The following RNF212B variants were observed in gnomAD, a reference collection of about 807,000 sequenced individuals.
RNF212B encodes ring finger protein 212B, also known as E3 ubiquitin-protein ligase RNF212B.
Under a neutral mutation model 55.5 loss-of-function variants are expected in RNF212B, and 52 were observed. The ratio of observed to expected loss-of-function variants is 0.94; its 90% confidence interval spans 0.75 to 1.18. The LOEUF is 1.18. RNF212B is among the 50% of genes most tolerant of loss of function. The pLI, the probability that RNF212B is intolerant of heterozygous loss-of-function variation, is 0.00. For synonymous variants in RNF212B, 99 were observed against 121.4 expected (o/e 0.82, Z 1.21); for missense variants, 289 against 350.4 (o/e 0.82, Z 1.40).
At chr14:23,210,801 G>GTAGGATGA (rs1880432984) in intron 2 of RNF212B, among the ~76,000 whole-genome samples, 1 of 72,734 alleles carries the variant, frequency 1.4e-5, no homozygotes, top group African/African-American at 5.3e-5. Flanking sequence ...AAAAAGAAAT[G>GTAGGATGA]TAGGATGATA....
intron 4 of RNF212B, among the ~76,000 whole-genome samples, chr14:23,250,958 A>T (rs1274927176): frequency 6.6e-6 from 1 of 152,200 alleles, no homozygotes; most frequent in Non-Finnish European, 1.5e-5. Flanking sequence ...AGTGAGCAGA[A>T]GGGTGACTTT....
upstream of RNF212B, among the ~76,000 whole-genome samples, chr14:23,234,425 A>G (rs1400395873): frequency 1.3e-5 from 2 of 151,962 alleles, no homozygotes. Flanking sequence ...TTATAAGAGT[A>G]TTTACTATTA....
At chr14:23,259,601 A>G (rs1885150869) in intron 5 of RNF212B, 1 of 216,188 alleles carries the variant, frequency 4.6e-6, no homozygotes, top group East Asian at 9.6e-5. Flanking sequence ...TTTAGACATC[A>G]GCAGGCCAGG....
intron 2 of RNF212B, among the ~76,000 whole-genome samples, chr14:23,240,894 A>G (rs902261365): frequency 6.6e-6 from 1 of 152,194 alleles, no homozygotes; most frequent in African/African-American, 2.4e-5. Context: ...ATATCAACCA[A>G]TTTTATGTAA....
At chr14:23,203,977 A>G (rs1879586118) in intron 2 of RNF212B, among the ~76,000 whole-genome samples, 1 of 152,204 alleles carries the variant, frequency 6.6e-6, no homozygotes, top group African/African-American at 2.4e-5. Flanking sequence ...TTCCCTGATC[A>G]CTAGTGATGC....
At chr14:23,233,601 G>T (rs1201330942), upstream of RNF212B, among the ~76,000 whole-genome samples, 1 of 148,364 alleles carries the variant, frequency 6.7e-6, no homozygotes, top group East Asian at 2.0e-4. Flanking sequence ...AATTAGCCGG[G>T]TATGGTGGTG....
intron 1 of RNF212B, 37 bp from the exon 2 acceptor site, chr14:23,240,308 C>T (rs749679746): frequency 7.5e-7 from 1 of 1,341,402 alleles, no homozygotes; most frequent in Non-Finnish European, 1.0e-6. Context: ...ATGTTATTCT[C>T]TAGGTTATTC....
Position 23,221,720 on chromosome 14 carries a change from G to A in RNF212B, c.-1-18625G>A, listed in dbSNP as rs527684392. On this transcript the variant is annotated intron_variant, in intron 2 of 15. Transcript: ENST00000399910. ...TTTTAGCGCATGGGTAATTCTTAAG[G>A]ATAGACGATATGTTAGGTCACCAAA... 3.1e-4 allele frequency among the ~76,000 whole-genome samples: 47 copies of A among 152,248 alleles called. No homozygotes were observed. The East Asian group carries it at 9.1e-3, about 29-fold the overall frequency.
chr14:23,238,774 A>ATCATCATC (rs1555316061), intron 1 of RNF212B, among the ~76,000 whole-genome samples: 3,318 of 119,630 alleles, frequency 0.028, 71 homozygotes, highest in East Asian at 0.099. Context: ...TAATAATAAT[A>ATCATCATC]ATAATAATCC....
intron 2 of RNF212B, among the ~76,000 whole-genome samples, chr14:23,220,422 C>T (rs1881461472): frequency 6.6e-6 from 1 of 152,010 alleles, no homozygotes; most frequent in African/African-American, 2.4e-5. Context: ...GTTCCAGCTA[C>T]TTGGGAGGCT....
intron 2 of RNF212B, among the ~76,000 whole-genome samples, chr14:23,218,982 A>G (rs1881329327): frequency 2.6e-5 from 4 of 152,234 alleles, no homozygotes; most frequent in Admixed American, 2.6e-4. Flanking sequence ...TAGAGCACCA[A>G]TATGTCTGGC....
intron 2 of RNF212B, among the ~76,000 whole-genome samples, chr14:23,219,216 A>G (rs178746): frequency 0.53 from 80,069 of 152,096 alleles, 21,711 homozygotes; most frequent in African/African-American, 0.66. Flanking sequence ...TGAAAGAAAA[A>G]GATGCTAATG....
intron 4 of RNF212B, among the ~76,000 whole-genome samples, chr14:23,256,877 G>A (rs112901482): frequency 0.17 from 25,686 of 151,962 alleles, 2,512 homozygotes; most frequent in South Asian, 0.25. Flanking sequence ...TTTTTTGGCC[G>A]GGCATGGTGG....
chr14:23,213,705 AC>A (rs1361483765), intron 2 of RNF212B, among the ~76,000 whole-genome samples: 1 of 143,084 alleles, frequency 7.0e-6, no homozygotes, highest in Non-Finnish European at 1.5e-5. Context: ...AAACAGGGTG[AC>A]TGCATGCCAA....
chr14:23,225,967 C>A (rs1881965711), intron 2 of RNF212B, among the ~76,000 whole-genome samples: 1 of 152,010 alleles, frequency 6.6e-6, no homozygotes, highest in African/African-American at 2.4e-5. Flanking sequence ...AGTATACACA[C>A]CAAGTATGTA....
chr14:23,223,362 CT>C (rs35659718), intron 2 of RNF212B, among the ~76,000 whole-genome samples: 60 of 146,480 alleles, frequency 4.1e-4, no homozygotes, highest in African/African-American at 5.2e-4. Flanking sequence ...AAAGCCTTTC[CT>C]TTTTTTTTTT....
chr14:23,260,745 G>A, intron 7 of RNF212B, 58 bp downstream of exon 7: 1 of 1,435,864 alleles, frequency 7.0e-7, no homozygotes, highest in South Asian at 1.2e-5. Context: ...GTTCTTTCTT[G>A]ACTCCTGGCT....
intron 2 of RNF212B, among the ~76,000 whole-genome samples, chr14:23,203,483 T>C (rs1297957467): frequency 2.5e-4 from 1 of 4,046 alleles, no homozygotes; most frequent in African/African-American, 2.7e-4. Flanking sequence ...TTAGTCCCCC[T>C]TTTTTTTTTT....
intron 4 of RNF212B, among the ~76,000 whole-genome samples, chr14:23,248,272 C>T (rs976601799): frequency 6.6e-5 from 10 of 151,484 alleles, no homozygotes; most frequent in African/African-American, 2.4e-4. Flanking sequence ...GGACTACAAG[C>T]ACATGTCACC....
Sources: gnomAD v4.1 joint callset for allele counts (sites outside exome capture counted in the v4.1 genomes callset) on GRCh38, gnomAD v4.1.1 for gene constraint, MANE v1.5 for transcripts, NCBI Gene and HGNC (gene_info 2026-07-23, HGNC 2026-07-21) for gene names.